Variants in CD2AP observed in about 807,000 individuals in gnomAD.
CD2AP encodes CD2 associated protein, also known as CD2-associated protein.
In CD2AP, 46 loss-of-function variants were observed where a neutral mutation model predicts 85.1. That is an observed-to-expected ratio of 0.54 (90% CI 0.43 to 0.69). CD2AP has a LOEUF of 0.69. CD2AP is among the 30% of genes least tolerant of loss of function. The probability of loss-of-function intolerance (pLI) is 0.00; values close to 1 mark genes in which losing one functional copy is unlikely to be tolerated. For synonymous variants in CD2AP, 255 were observed against 252.9 expected, an observed-to-expected ratio of 1.01 and a Z score of -0.08; for missense variants, 769 against 729.5, an observed-to-expected ratio of 1.05 and a Z score of -0.62.
intron 2 of CD2AP, among the ~76,000 whole-genome samples, chr6:47,509,405 CTTGACACAGTG>C (rs1180668906): frequency 6.6e-6 from 1 of 150,478 alleles, no homozygotes; most frequent in African/African-American, 2.5e-5. Flanking sequence ...GATGGGCTTG[CTTGACACAGTG>C]TTGCACAGAC....
At chr6:47,544,817 T>C (rs770584350) in intron 4 of CD2AP, 111 bp downstream of exon 4, 52 of 702,744 alleles carry the variant, frequency 7.4e-5, no homozygotes, top group Middle Eastern at 3.5e-4. Flanking sequence ...TGTCACTTTT[T>C]AAAAAAAATG....
chr6:47,564,955 T>G (rs1215887360), intron 5 of CD2AP, among the ~76,000 whole-genome samples: 1 of 152,108 alleles, frequency 6.6e-6, no homozygotes, highest in Non-Finnish European at 1.5e-5. Flanking sequence ...TTTAATAGTG[T>G]TCTCCTCCTC....
chr6:47,524,883 C>A (rs1263867022), intron 2 of CD2AP, among the ~76,000 whole-genome samples: 1 of 151,920 alleles, frequency 6.6e-6, no homozygotes, highest in South Asian at 2.1e-4. Context: ...TTTTCCTTGC[C>A]GATTTTGATC....
chr6:47,599,952 T>C (rs1769083724), intron 13 of CD2AP, among the ~76,000 whole-genome samples: 1 of 150,938 alleles, frequency 6.6e-6, no homozygotes, highest in African/African-American at 2.4e-5. Context: ...CTTACTGATA[T>C]CTTTGTCTAA....
intron 17 of CD2AP, among the ~76,000 whole-genome samples, chr6:47,618,327 C>T (rs977934706): frequency 1.3e-5 from 2 of 151,870 alleles, no homozygotes; most frequent in Non-Finnish European, 1.5e-5. Context: ...CAAAAAAAAA[C>T]GAGTAGTCTT....
chr6:47,511,002 G>C (rs1288825342), intron 2 of CD2AP, among the ~76,000 whole-genome samples: 1 of 149,586 alleles, frequency 6.7e-6, no homozygotes, highest in Non-Finnish European at 1.5e-5. Flanking sequence ...GAACCCGGGA[G>C]GTAGAGGTTG....
At chr6:47,610,971 A>ATATAT in intron 16 of CD2AP, among the ~76,000 whole-genome samples, 4 of 112,862 alleles carry the variant, frequency 3.5e-5, no homozygotes, top group African/African-American at 7.2e-5. Flanking sequence ...ATATATATGT[A>ATATAT]TTTTTTTTTT....
At chr6:47,614,853 A>C (rs1582627758) in intron 17 of CD2AP, among the ~76,000 whole-genome samples, 1 of 152,354 alleles carries the variant, frequency 6.6e-6, no homozygotes, top group East Asian at 1.9e-4. Flanking sequence ...TAGTGGTGAC[A>C]TATGGCTGTA....
rs760996817 is a variant in CD2AP, at chr6:47,554,604, T to G, written c.421-42T>G. On this transcript the variant is annotated intron_variant, in intron 4 of 17. Transcript: ENST00000359314. ...TTCCCATAGGGTGACGATTTTCACTTAACAGAAGTTGTTTTTGCTTTTGAA... is the reference window on the plus strand; with the variant it reads ...TTCCCATAGGGTGACGATTTTCACTGAACAGAAGTTGTTTTTGCTTTTGAA... 8.1e-6 allele frequency: 13 copies of G among 1,611,522 alleles called. No homozygotes were observed. In the South Asian group the frequency reaches 1.4e-4, roughly 18 times the overall value.
chr6:47,508,534 CT>C (rs374284567), intron 2 of CD2AP, among the ~76,000 whole-genome samples: 109,108 of 129,230 alleles, frequency 0.84, 46,142 homozygotes, highest in Non-Finnish European at 0.89. Flanking sequence ...TTCTTTCTTT[CT>C]TTTTTTTTTT....
chr6:47,559,049 T>C (rs1767773316), intron 5 of CD2AP, among the ~76,000 whole-genome samples: 1 of 152,158 alleles, frequency 6.6e-6, no homozygotes, highest in South Asian at 2.1e-4. Context: ...TGTTTTAGTC[T>C]TGGGAAGGTT....
intron 11 of CD2AP, among the ~76,000 whole-genome samples, chr6:47,586,503 A>T (rs149003300): frequency 8.0e-4 from 122 of 152,284 alleles, no homozygotes; most frequent in African/African-American, 2.8e-3. Context: ...ATGGCTGAAA[A>T]TTTTAATTTG....
At chr6:47,510,246 A>T (rs1276353280) in intron 2 of CD2AP, among the ~76,000 whole-genome samples, 1 of 152,216 alleles carries the variant, frequency 6.6e-6, no homozygotes, top group Non-Finnish European at 1.5e-5. Flanking sequence ...GTGTTTATAT[A>T]TGTGGGTTAG....
At chr6:47,550,212 C>T (rs1018212914) in intron 4 of CD2AP, among the ~76,000 whole-genome samples, 3 of 151,980 alleles carry the variant, frequency 2.0e-5, no homozygotes, top group African/African-American at 7.2e-5. Flanking sequence ...ATAGCTATGA[C>T]CTAATTAAAC....
chr6:47,581,930 CT>C, intron 10 of CD2AP, 72 bp from the exon 11 acceptor site: 2 of 966,346 alleles, frequency 2.1e-6, no homozygotes, highest in South Asian at 1.3e-5. Flanking sequence ...CTCATCTTTA[CT>C]TTTTAGAAGT....
At chr6:47,604,774 TG>T (rs1407709224) in intron 13 of CD2AP, among the ~76,000 whole-genome samples, 1 of 152,040 alleles carries the variant, frequency 6.6e-6, no homozygotes, top group Non-Finnish European at 1.5e-5. Context: ...TTTATTATTA[TG>T]GTTTGTTATA....
rs535092485 is a variant in CD2AP at position 47,616,380 on chromosome 6, C to T, written c.1878+3844C>T. ...GAGTACTGGGATTACAGGCATGAGC[C>T]ACTGCACCTGGCCTTAAAGATGTTT... On this transcript the variant is annotated intron_variant, in intron 17 of 17. Coordinates refer to ENST00000359314, the MANE Select transcript of CD2AP (RefSeq NM_012120.3). Among the ~76,000 whole-genome samples, 139 of 152,288 alleles carry T rather than the reference C, an allele frequency of 9.1e-4. 1 individual carries two copies. Among genetic ancestry groups the T allele is most frequent in the Non-Finnish European group, 1.5e-3 (101 of 68,030 alleles).
At chr6:47,579,936 A>T (rs1344464177) in intron 9 of CD2AP, 2 of 166,152 alleles carry the variant, frequency 1.2e-5, no homozygotes, top group African/African-American at 4.8e-5. Context: ...CTTCTCAGAG[A>T]AAAAGTGAGG....
intron 5 of CD2AP, among the ~76,000 whole-genome samples, chr6:47,556,189 A>T (rs1210509529): frequency 2.0e-5 from 3 of 151,154 alleles, no homozygotes; most frequent in Non-Finnish European, 4.4e-5. Context: ...TATTTCTCCT[A>T]ATGCTATCCT....
Sources: gnomAD v4.1 joint callset for allele counts (sites outside exome capture counted in the v4.1 genomes callset) on GRCh38, gnomAD v4.1.1 for gene constraint, MANE v1.5 for transcripts, NCBI Gene and HGNC (gene_info 2026-07-23, HGNC 2026-07-21) for gene names.